Variants in PARD3B observed in about 807,000 individuals in gnomAD.
PARD3B encodes par-3 family cell polarity regulator beta, also known as partitioning defective 3 homolog B.
PARD3B carries 103 observed loss-of-function variants against 130.2 expected under a neutral mutation model. The ratio of observed to expected loss-of-function variants is 0.79; its 90% CI spans 0.67 to 0.93. PARD3B has a LOEUF of 0.93. Among genes scored for constraint, PARD3B ranks in the 40% least tolerant of loss-of-function variants. The probability of loss-of-function intolerance (pLI) is 0.00; values close to 1 mark genes in which losing one functional copy is unlikely to be tolerated. For missense variants in PARD3B, 1,609 were observed against 1,499.2 expected (o/e 1.07, Z -1.21); for synonymous variants, 583 against 553.2 (o/e 1.05, Z -0.76).
At chr2:204,653,284 TAA>T (rs59994946) in intron 1 of PARD3B, among the ~76,000 whole-genome samples, 111,714 of 147,552 alleles carry the variant, frequency 0.76, 43,118 homozygotes, top group Middle Eastern at 0.81. Context: ...AAGTTAAAAT[TAA>T]AAAAAAAAAA....
intron 10 of PARD3B, among the ~76,000 whole-genome samples, chr2:205,137,224 TAAA>T (rs1057512204): frequency 3.3e-5 from 5 of 152,200 alleles, no homozygotes; most frequent in African/African-American, 1.2e-4. Context: ...CAAAGGACTT[TAAA>T]ATCATGAAAG....
intron 2 of PARD3B, among the ~76,000 whole-genome samples, chr2:204,949,967 G>A (rs1282647397): frequency 6.6e-6 from 1 of 152,126 alleles, no homozygotes; most frequent in Non-Finnish European, 1.5e-5. Context: ...TACAAATTAA[G>A]TTGGGTCTTA....
chr2:205,088,747 T>C (rs1701899576), intron 4 of PARD3B, among the ~76,000 whole-genome samples: 1 of 152,112 alleles, frequency 6.6e-6, no homozygotes, highest in African/African-American at 2.4e-5. Context: ...TTTATGGGAA[T>C]GACTGCCAAT....
intron 3 of PARD3B, among the ~76,000 whole-genome samples, chr2:204,973,295 C>A (rs1029175902): frequency 1.3e-5 from 2 of 152,120 alleles, no homozygotes; most frequent in African/African-American, 4.8e-5. Flanking sequence ...GAAGTTATGA[C>A]TCAGATTTTT....
At chr2:205,110,829 G>A (rs141884535) in intron 5 of PARD3B, among the ~76,000 whole-genome samples, 1 of 151,834 alleles carries the variant, frequency 6.6e-6, no homozygotes, top group Admixed American at 6.6e-5. Flanking sequence ...CTACTCTAGA[G>A]TTTATCTAAA....
chr2:205,120,101 G>A (rs1248643864), intron 7 of PARD3B, among the ~76,000 whole-genome samples: 1 of 152,082 alleles, frequency 6.6e-6, no homozygotes, highest in Non-Finnish European at 1.5e-5. Flanking sequence ...AGTGGGTACT[G>A]GCTGCTAAGT....
intron 2 of PARD3B, among the ~76,000 whole-genome samples, chr2:204,761,697 C>T (rs1328630799): frequency 2.6e-5 from 4 of 151,788 alleles, no homozygotes; most frequent in Non-Finnish European, 1.5e-5. Context: ...ATATAAAAAT[C>T]TTTGCTTAGA....
chr2:205,379,274 C>T (rs1344156464), intron 18 of PARD3B, among the ~76,000 whole-genome samples: 1 of 152,032 alleles, frequency 6.6e-6, no homozygotes, highest in Non-Finnish European at 1.5e-5. Flanking sequence ...AATCAAATAC[C>T]GGGTTATAAT....
At chr2:204,651,225 C>G (rs1365796364) in intron 1 of PARD3B, among the ~76,000 whole-genome samples, 1 of 152,166 alleles carries the variant, frequency 6.6e-6, no homozygotes, top group Non-Finnish European at 1.5e-5. Flanking sequence ...TCATCAGAGA[C>G]AAGACAAGTC....
At chr2:205,573,318 A>T (rs2053625250) in intron 22 of PARD3B, among the ~76,000 whole-genome samples, 2 of 152,200 alleles carry the variant, frequency 1.3e-5, no homozygotes, top group South Asian at 2.1e-4. Context: ...CAAGAGAAAG[A>T]CTGGTGCCAG....
At chr2:205,207,052 G>T (rs551284908) in intron 15 of PARD3B, among the ~76,000 whole-genome samples, 1 of 144,738 alleles carries the variant, frequency 6.9e-6, no homozygotes, top group Non-Finnish European at 1.5e-5. Flanking sequence ...TAGAACTCAG[G>T]ATTAAGAATC....
At chr2:205,512,471 A>G (rs1164157972) in intron 21 of PARD3B, among the ~76,000 whole-genome samples, 3 of 152,188 alleles carry the variant, frequency 2.0e-5, no homozygotes, top group African/African-American at 7.2e-5. Flanking sequence ...TCAAATGATC[A>G]TTCCGTGTCA....
At chr2:204,621,856 G>C (rs2034312638) in intron 1 of PARD3B, among the ~76,000 whole-genome samples, 1 of 152,148 alleles carries the variant, frequency 6.6e-6, no homozygotes, top group Non-Finnish European at 1.5e-5. Context: ...GTTAAGGTGT[G>C]TCTCATATTC....
rs982232535 is a variant in PARD3B at position 205,568,387 on chromosome 2, T to A, written c.3260+14984T>A. On this transcript the variant is annotated intron_variant, in intron 22 of 22. Transcript: ENST00000406610. The surrounding 1 kb of genome is among the most constrained non-coding windows in gnomAD (Gnocchi z 5.3). ...GAGAATAACTCTAGAAGAAGATACT[T>A]CCAGTTTCTCTTTGTTTCACTCAAA... Among the ~76,000 whole-genome samples, 3 of 152,178 alleles carry A rather than the reference T, an allele frequency of 2.0e-5. No homozygotes were observed. The highest frequency in any genetic ancestry group is 7.2e-5 in the African/African-American group (3 of 41,436).
chr2:204,751,124 T>C (rs754763237), intron 2 of PARD3B, among the ~76,000 whole-genome samples: 16 of 152,050 alleles, frequency 1.1e-4, no homozygotes, highest in Non-Finnish European at 2.2e-4. Context: ...ATGAAAGGAA[T>C]TGATGCTGAA....
chr2:204,728,493 C>T (rs898381459), intron 2 of PARD3B, among the ~76,000 whole-genome samples: 2 of 151,986 alleles, frequency 1.3e-5, no homozygotes, highest in African/African-American at 4.8e-5. Context: ...TAAGTGTAGA[C>T]AGTATGAAAT....
chr2:205,091,258 C>T lies in PARD3B; in HGVS notation c.505-13168C>T, dbSNP rs939707342. Reference sequence around the variant, plus strand: ...TGGATTCAACATTTGAAATCATATACACATACTACATGTAAGCCAAAGGCC... The same window carrying T: ...TGGATTCAACATTTGAAATCATATATACATACTACATGTAAGCCAAAGGCC... On this transcript the variant is annotated intron_variant, in intron 4 of 22. Coordinates refer to ENST00000406610, the MANE Select transcript of PARD3B (RefSeq NM_001302769.2). The surrounding 1 kb of genome is among the most constrained non-coding windows in gnomAD (Gnocchi z 4.2). Among the ~76,000 whole-genome samples, 5 of 152,172 alleles carry T rather than the reference C, an allele frequency of 3.3e-5. No individual in the cohort carries two copies. The highest frequency in any genetic ancestry group is 1.2e-4 in the African/African-American group (5 of 41,448).
chr2:204,758,989 C>A (rs372157481), intron 2 of PARD3B, among the ~76,000 whole-genome samples: 5 of 152,218 alleles, frequency 3.3e-5, no homozygotes, highest in Admixed American at 2.0e-4. Flanking sequence ...AGACTTGTCA[C>A]CCTTCTGTGT....
chr2:205,054,552 C>T (rs1699513848), intron 4 of PARD3B, among the ~76,000 whole-genome samples: 2 of 148,878 alleles, frequency 1.3e-5, no homozygotes, highest in East Asian at 2.0e-4. Flanking sequence ...CCCATTCACT[C>T]GTCATTTACA....
Sources: gnomAD v4.1 joint callset for allele counts (sites outside exome capture counted in the v4.1 genomes callset) on GRCh38, gnomAD v4.1.1 for gene constraint, Gnocchi (gnomAD v3.1) non-coding constraint, MANE v1.5 for transcripts, NCBI Gene and HGNC (gene_info 2026-07-23, HGNC 2026-07-21) for gene names.